Variants in WDPCP observed in about 807,000 individuals in gnomAD.
WDPCP encodes the protein WD repeat-containing and planar cell polarity effector protein fritz homolog.
WDPCP carries 71 observed loss-of-function variants against 93.1 expected under a neutral mutation model. That is an observed-to-expected ratio of 0.76 (90% confidence interval 0.63 to 0.93). The LOEUF (loss-of-function observed/expected upper bound fraction) is 0.93, where lower values mean the gene tolerates loss of function less well. WDPCP is among the 40% of genes least tolerant of loss of function. WDPCP has a pLI of 0.00. For missense variants in WDPCP, 844 were observed against 887.4 expected (o/e 0.95, Z 0.62); for synonymous variants, 315 against 315.0 (o/e 1.00, Z 0.00).
At chr2:63,394,341 T>C (rs1163012084) in intron 10 of WDPCP, among the ~76,000 whole-genome samples, 2 of 151,218 alleles carry the variant, frequency 1.3e-5, no homozygotes, top group Non-Finnish European at 2.9e-5. Context: ...TGAGATGCCA[T>C]CTCATACCAG....
intron 2 of WDPCP, among the ~76,000 whole-genome samples, chr2:63,747,255 C>T (rs899499257): frequency 1.3e-5 from 2 of 151,922 alleles, no homozygotes; most frequent in Non-Finnish European, 2.9e-5. Context: ...TTTATGTTGT[C>T]CTTTGATGAT....
intron 2 of WDPCP, among the ~76,000 whole-genome samples, chr2:63,664,060 G>T (rs262515): frequency 0.82 from 124,944 of 152,134 alleles, 52,015 homozygotes; most frequent in East Asian, 0.98. Flanking sequence ...CATTTGGTTA[G>T]GCACATGTTT....
chr2:63,444,428 A>G (rs1045534677), intron 6 of WDPCP, among the ~76,000 whole-genome samples: 3 of 152,202 alleles, frequency 2.0e-5, no homozygotes, highest in African/African-American at 7.2e-5. Flanking sequence ...TTAGAAAAAT[A>G]TAGTCAAGGA....
intron 12 of WDPCP, among the ~76,000 whole-genome samples, chr2:63,327,672 C>T (rs4429457): frequency 0.8 from 121,839 of 152,144 alleles, 49,661 homozygotes; most frequent in East Asian, 0.96. Context: ...TGAAATCAGA[C>T]GCCTTTCAAA....
chr2:63,371,398 T>G (rs532420449), intron 12 of WDPCP, among the ~76,000 whole-genome samples: 1 of 152,278 alleles, frequency 6.6e-6, no homozygotes, highest in East Asian at 1.9e-4. Context: ...AGGACAATTC[T>G]CAACACAGGA....
chr2:63,644,150 T>C (rs550919319), intron 3 of WDPCP: 3 of 306,002 alleles, frequency 9.8e-6, no homozygotes, highest in East Asian at 1.6e-4. Flanking sequence ...TATTGGCCTA[T>C]AGTTTTATTT....
In WDPCP at chr2:63,284,055, G is replaced by T. The variant is rs538800302; in HGVS notation, c.1813-24646C>A. Among the ~76,000 whole-genome samples, 4 of 151,980 alleles carry T rather than the reference G, an allele frequency of 2.6e-5. No homozygotes were observed. The East Asian group carries it at 7.7e-4, about 29-fold the overall frequency. Reference sequence around the variant, plus strand: ...TAAAGGAATGAAGAGTACCAAAATGGTAAATACATGGGTACATATAAAAGA... The same window carrying T: ...TAAAGGAATGAAGAGTACCAAAATGTTAAATACATGGGTACATATAAAAGA... On this transcript the variant is annotated intron_variant, in intron 13 of 17. Transcript: ENST00000272321.
At chr2:63,437,208 A>G (rs984108173) in intron 8 of WDPCP, among the ~76,000 whole-genome samples, 1 of 151,972 alleles carries the variant, frequency 6.6e-6, no homozygotes, top group African/African-American at 2.4e-5. Context: ...AATTGCTCCA[A>G]ACGTGCCATT....
At chr2:63,547,747 A>G (rs1172052168) in intron 1 of WDPCP, among the ~76,000 whole-genome samples, 1 of 104,680 alleles carries the variant, frequency 9.6e-6, no homozygotes, top group Non-Finnish European at 1.8e-5. Flanking sequence ...GTAGAAAAAG[A>G]AAAAAAAAAA....
intron 9 of WDPCP, among the ~76,000 whole-genome samples, chr2:63,420,015 CCTTA>C (rs1435897051): frequency 6.6e-6 from 1 of 152,018 alleles, no homozygotes; most frequent in African/African-American, 2.4e-5. Flanking sequence ...CTATTTCCCT[CCTTA>C]CTTTGTGGAA....
chr2:63,259,921 T>C (rs948704679), intron 13 of WDPCP, among the ~76,000 whole-genome samples: 4 of 152,180 alleles, frequency 2.6e-5, no homozygotes, highest in Non-Finnish European at 4.4e-5. Context: ...TATAATACCA[T>C]ATCTCAGAAA....
At chr2:63,684,449 T>C (rs1668777464) in intron 2 of WDPCP, 2 of 839,780 alleles carry the variant, frequency 2.4e-6, no homozygotes, top group Non-Finnish European at 4.1e-6. Flanking sequence ...AATTGACTGC[T>C]ACCCCCGCAA....
intron 14 of WDPCP, among the ~76,000 whole-genome samples, chr2:63,220,906 C>A (rs1574911505): frequency 6.6e-6 from 1 of 152,266 alleles, no homozygotes; most frequent in East Asian, 1.9e-4. Context: ...TCCCTGTGTC[C>A]ATGTGTTCTC....
At chr2:63,159,170 T>G (rs1672481258) in intron 15 of WDPCP, among the ~76,000 whole-genome samples, 1 of 151,630 alleles carries the variant, frequency 6.6e-6, no homozygotes, top group Non-Finnish European at 1.5e-5. Context: ...AAAAACTTTT[T>G]TTTTTTTTTT....
intron 13 of WDPCP, among the ~76,000 whole-genome samples, chr2:63,311,631 A>C (rs1400687): frequency 0.8 from 121,785 of 152,066 alleles, 49,639 homozygotes; most frequent in East Asian, 0.96. Flanking sequence ...TGTAAAAATC[A>C]TCATGGTTTA....
intron 2 of WDPCP, among the ~76,000 whole-genome samples, chr2:63,800,721 T>C (rs1256150648): frequency 2.0e-5 from 3 of 152,166 alleles, no homozygotes; most frequent in Non-Finnish European, 4.4e-5. Flanking sequence ...AGTGCACCTA[T>C]TACCACATAG....
At chr2:63,731,267 C>CAAA (rs532671655) in intron 2 of WDPCP, among the ~76,000 whole-genome samples, 1,373 of 59,776 alleles carry the variant, frequency 0.023, 12 homozygotes, top group Non-Finnish European at 0.029. Flanking sequence ...GAATCCGTCT[C>CAAA]AAAAAAAAAA....
At chr2:63,815,544 T>G (rs1670920960) in intron 1 of WDPCP, among the ~76,000 whole-genome samples, 2 of 152,144 alleles carry the variant, frequency 1.3e-5, no homozygotes, top group Admixed American at 1.3e-4. Flanking sequence ...CATAGACAAA[T>G]GAGACCTAGT....
chr2:63,339,888 G>T (rs1391980416), intron 12 of WDPCP, among the ~76,000 whole-genome samples: 6 of 151,864 alleles, frequency 4.0e-5, no homozygotes. Context: ...TTTGATGAGG[G>T]TTTTCAATCA....
Sources: allele counts gnomAD v4.1 joint callset (sites outside exome capture counted in the v4.1 genomes callset), GRCh38; gene constraint gnomAD v4.1.1; transcripts MANE v1.5; gene names NCBI Gene and HGNC (gene_info 2026-07-23, HGNC 2026-07-21).